The following CDH10 variants were observed in gnomAD, a reference collection of about 807,000 sequenced individuals.
The protein encoded by CDH10 is cadherin-10.
CDH10 carries 30 observed loss-of-function variants against 73.1 expected under a neutral mutation model. The ratio of observed to expected loss-of-function variants is 0.41; its 90% CI spans 0.31 to 0.56. The LOEUF (loss-of-function observed/expected upper bound fraction) is 0.56, where lower values mean the gene tolerates loss of function less well. Ranked by LOEUF, CDH10 falls within the 20% of genes least tolerant of loss-of-function variation. The probability of loss-of-function intolerance (pLI) is 0.27; values close to 1 mark genes in which losing one functional copy is unlikely to be tolerated. For synonymous variants in CDH10, 345 were observed against 348.2 expected (o/e 0.99, Z 0.10); for missense variants, 815 against 973.7 (o/e 0.84, Z 2.17).
intron 2 of CDH10, among the ~76,000 whole-genome samples, chr5:24,539,296 C>A (rs565868699): frequency 3.3e-5 from 5 of 151,932 alleles, no homozygotes; most frequent in African/African-American, 1.2e-4. Context: ...AAACTAATTA[C>A]GTCCTATTTA....
chr5:24,571,973 T>TAA (rs200001581), intron 2 of CDH10, among the ~76,000 whole-genome samples: 9 of 143,498 alleles, frequency 6.3e-5, no homozygotes, highest in Non-Finnish European at 9.2e-5. Context: ...CTGCTACAAA[T>TAA]AAAAAAAAAA....
chr5:24,603,861 A>G (rs975062365), intron 1 of CDH10, among the ~76,000 whole-genome samples: 1 of 152,202 alleles, frequency 6.6e-6, no homozygotes. Context: ...GAAATCATAC[A>G]TATTGAAAAG....
chr5:24,519,460 T>C (rs958824988), intron 5 of CDH10, among the ~76,000 whole-genome samples: 2 of 152,134 alleles, frequency 1.3e-5, no homozygotes, highest in South Asian at 2.1e-4. Context: ...AAGAAGATAG[T>C]TTCAGCACAC....
At chr5:24,601,948 T>C (rs905387888) in intron 1 of CDH10, among the ~76,000 whole-genome samples, 2 of 152,146 alleles carry the variant, frequency 1.3e-5, no homozygotes, top group Non-Finnish European at 2.9e-5. Context: ...AATCACAGTT[T>C]GCAGTTTTTC....
chr5:24,536,156 C>T (rs1743946996), intron 3 of CDH10, among the ~76,000 whole-genome samples: 1 of 152,002 alleles, frequency 6.6e-6, no homozygotes, highest in African/African-American at 2.4e-5. Context: ...GTGTAAAGGG[C>T]ATATCTAATC....
At chr5:24,545,296 G>C (rs1352712757) in intron 2 of CDH10, among the ~76,000 whole-genome samples, 4 of 152,014 alleles carry the variant, frequency 2.6e-5, no homozygotes, top group Non-Finnish European at 4.4e-5. Context: ...TACAATATAG[G>C]GATATATGTA....
chr5:24,643,047 T>G (rs1380238231), intron 1 of CDH10, among the ~76,000 whole-genome samples: 1 of 151,892 alleles, frequency 6.6e-6, no homozygotes, highest in African/African-American at 2.4e-5. Flanking sequence ...ATCTGACGTG[T>G]CCCTAAGGCA....
In CDH10 at chr5:24,593,287, T is replaced by C. The variant is rs373367033; in HGVS notation, c.204A>G (p.Thr68=). Residue 68 remains threonine, a synonymous_variant, in exon 2 of 12, where the codon ACA becomes ACG. Coordinates refer to ENST00000264463, the MANE Select transcript of CDH10 (RefSeq NM_006727.5). ...WNQFFLLEEY[T]GSDYQYVGKL... ...TGCCTACGTACTGATAATCAGATCC[T>C]GTATATTCTTCAAGTAAGAAAAATT... is the stretch of plus-strand genomic sequence containing the variant. The C allele has an allele frequency of 1.2e-5, 20 of 1,606,760 alleles. No individual in the cohort carries two copies. The African/African-American group carries it at 1.9e-4, about 15-fold the overall frequency.
chr5:24,572,929 G>GAAAAA (rs1300462939), intron 2 of CDH10, among the ~76,000 whole-genome samples: 1 of 9,080 alleles, frequency 1.1e-4, no homozygotes, highest in Non-Finnish European at 2.7e-4. Context: ...ATTGTACTTA[G>GAAAAA]AAAAAGAAAA....
chr5:24,546,082 A>T (rs1744326455), intron 2 of CDH10, among the ~76,000 whole-genome samples: 1 of 152,166 alleles, frequency 6.6e-6, no homozygotes, highest in Non-Finnish European at 1.5e-5. Flanking sequence ...GAGAGGAAAG[A>T]GATAAACGAA....
intron 1 of CDH10, among the ~76,000 whole-genome samples, chr5:24,627,029 C>T (rs1032182010): frequency 6.6e-6 from 1 of 151,566 alleles, no homozygotes; most frequent in Non-Finnish European, 1.5e-5. Context: ...TACCCTTCTA[C>T]CCAGAAGCAA....
chr5:24,505,664 A>G (rs189278992), intron 7 of CDH10, among the ~76,000 whole-genome samples: 1 of 152,352 alleles, frequency 6.6e-6, no homozygotes, highest in African/African-American at 2.4e-5. Context: ...TTGTTCTTAG[A>G]AAATTGGAGA....
At chr5:24,561,893 T>G (rs1329740359) in intron 2 of CDH10, among the ~76,000 whole-genome samples, 1 of 152,100 alleles carries the variant, frequency 6.6e-6, no homozygotes, top group Non-Finnish European at 1.5e-5. Context: ...TATGTTTCTC[T>G]TCCCACTACG....
intron 1 of CDH10, among the ~76,000 whole-genome samples, chr5:24,630,671 G>A (rs947436999): frequency 4.0e-5 from 6 of 150,482 alleles, no homozygotes; most frequent in African/African-American, 9.8e-5. Flanking sequence ...CAAAATGAGA[G>A]AGATTGAAAT....
At chr5:24,572,327 C>A (rs1401064352) in intron 2 of CDH10, among the ~76,000 whole-genome samples, 1 of 152,062 alleles carries the variant, frequency 6.6e-6, no homozygotes, top group African/African-American at 2.4e-5. Flanking sequence ...CTTTTTAAAA[C>A]AGACTAAAGG....
At chr5:24,617,764 C>T (rs556343071) in intron 1 of CDH10, among the ~76,000 whole-genome samples, 13 of 152,266 alleles carry the variant, frequency 8.5e-5, no homozygotes, top group African/African-American at 3.1e-4. Context: ...TGCTCCTTTG[C>T]TATGTGCCTC....
chr5:24,500,029 G>T (rs1414800822), intron 8 of CDH10, among the ~76,000 whole-genome samples: 1 of 152,174 alleles, frequency 6.6e-6, no homozygotes, highest in Non-Finnish European at 1.5e-5. Context: ...ATAGCTAGGG[G>T]ACAGCAGCAA....
At chr5:24,636,430 G>A (rs1259316923) in intron 1 of CDH10, among the ~76,000 whole-genome samples, 2 of 151,902 alleles carry the variant, frequency 1.3e-5, no homozygotes, top group Non-Finnish European at 2.9e-5. Context: ...GCTTATCACT[G>A]TGCAGTCTCC....
chr5:24,575,037 CAAG>C (rs1432458023), intron 2 of CDH10, among the ~76,000 whole-genome samples: 2 of 151,936 alleles, frequency 1.3e-5, no homozygotes, highest in Non-Finnish European at 2.9e-5. Flanking sequence ...GGATCTGAGA[CAAG>C]GAGGTTAATT....
Sources: allele counts gnomAD v4.1 joint callset (sites outside exome capture counted in the v4.1 genomes callset), GRCh38; gene constraint gnomAD v4.1.1; transcripts MANE v1.5; gene names NCBI Gene and HGNC (gene_info 2026-07-23, HGNC 2026-07-21).